STON2: variants seen among roughly 807,000 people sequenced by gnomAD.
STON2 encodes the protein stonin-2.
STON2 carries 29 observed loss-of-function variants against 65.7 expected under a neutral mutation model. That is an observed-to-expected ratio of 0.44 (90% CI 0.33 to 0.60). The LOEUF (loss-of-function observed/expected upper bound fraction) is 0.60. Ranked by LOEUF, STON2 falls within the 20% of genes least tolerant of loss-of-function variation. STON2 has a pLI of 0.03. For missense variants in STON2, 1,054 were observed against 1,118.1 expected (o/e 0.94, Z 0.82); for synonymous variants, 404 against 414.2 (o/e 0.98, Z 0.30).
rs193264881 is a variant in STON2, at chr14:81,363,269, T to C, written c.571+7719A>G. 5.1e-4 allele frequency among the ~76,000 whole-genome samples: 78 copies of C among 152,340 alleles called. 1 individual carries two copies. The highest frequency in any genetic ancestry group is 3.4e-3 in the Middle Eastern group (1 of 294). ...ATATATGTATAAAGTATATAGGACA[T>C]TCCTGGCACACAGTAGAAACAATTA... On this transcript the variant is annotated intron_variant, in intron 4 of 7. Transcript: ENST00000614646.
intron 3 of STON2, among the ~76,000 whole-genome samples, chr14:81,390,732 G>A (rs185804016): frequency 6.6e-6 from 1 of 152,322 alleles, no homozygotes; most frequent in East Asian, 1.9e-4. Context: ...TATGGCTGCT[G>A]TAACAAATTA....
In STON2 at chr14:81,371,141, A is replaced by C. The variant is rs1400129882; in HGVS notation, c.418T>G (p.Ser140Ala). ...MPCWTCPSFD[S>A]LGRCPLTSES... ...GAAGTCAGAGGGCATCTCCCCAGGG[A>C]GTCAAAGGAAGGGCATGTCCAGCAG... Residue 140 changes from serine to alanine, a missense_variant, in exon 4 of 8, where the codon TCC becomes GCC. Physicochemically the swap from Ser to Ala is moderately conservative, Grantham distance 99 (BLOSUM62 1). Coordinates refer to ENST00000614646, the MANE Select transcript of STON2 (RefSeq NM_001394390.1). 1 of 1,614,026 alleles carries C rather than the reference A, an allele frequency of 6.2e-7. No homozygotes were observed. The highest frequency in any genetic ancestry group is 1.7e-5 in the Admixed American group (1 of 60,002).
Position 81,262,170 on chromosome 14 carries a change from G to C in STON2, c.*6244C>G. ...CACTTTTTTGTCTCAGGAAACTGAAGCCCAATTGGGAAAACAGCAACTTAC... is the reference window on the plus strand; with the variant it reads ...CACTTTTTTGTCTCAGGAAACTGAACCCCAATTGGGAAAACAGCAACTTAC... On this transcript the variant is annotated 3_prime_UTR_variant, in exon 8 of 8. Coordinates refer to ENST00000614646, the MANE Select transcript of STON2 (RefSeq NM_001394390.1). The C allele has an allele frequency of 3.0e-6, 3 of 985,202 alleles. No individual in the cohort carries two copies. The highest frequency in any genetic ancestry group is 3.6e-6 in the Non-Finnish European group (3 of 829,738). 61.0% of individuals were successfully genotyped at this position (985,202 alleles called of 1,614,324 possible). A position where few individuals can be genotyped will look rare whatever the true frequency, so the allele number is the denominator to read the frequency against.
rs765363318 is a variant in STON2, at chr14:81,316,848, G to A, written c.742+7169C>T. 1.4e-4 allele frequency among the ~76,000 whole-genome samples: 22 copies of A among 152,162 alleles called. No homozygotes were observed. In the East Asian group the frequency reaches 1.7e-3, roughly 12 times the overall value. ...ATCCTGGCTAACATGGTGAAACCCC[G>A]TCTCTACCAAAAATACAAAAAATTA... is the stretch of plus-strand genomic sequence containing the variant. On this transcript the variant is annotated intron_variant, in intron 5 of 7. Transcript: ENST00000614646.
chr14:81,416,492 C>T (rs996219499), intron 2 of STON2, among the ~76,000 whole-genome samples: 4 of 152,154 alleles, frequency 2.6e-5, no homozygotes, highest in Admixed American at 6.5e-5. Context: ...GAGAAGGTAC[C>T]GGAGGCAGGG....
chr14:81,426,109 G>T (rs1901961691), intron 2 of STON2, among the ~76,000 whole-genome samples: 1 of 152,126 alleles, frequency 6.6e-6, no homozygotes, highest in Non-Finnish European at 1.5e-5. Flanking sequence ...CTATGAGATG[G>T]GCATTTTTAA....
chr14:81,379,851 G>T (rs1899429311), intron 3 of STON2, among the ~76,000 whole-genome samples: 1 of 152,016 alleles, frequency 6.6e-6, no homozygotes, highest in Non-Finnish European at 1.5e-5. Flanking sequence ...AACTCAAGAT[G>T]GATTAAAGGC....
At chr14:81,272,049 C>T (rs1428071617) in intron 6 of STON2, among the ~76,000 whole-genome samples, 3 of 152,074 alleles carry the variant, frequency 2.0e-5, no homozygotes, top group Admixed American at 6.6e-5. Context: ...GGTGAAACCC[C>T]GTCTCTACTA....
intron 5 of STON2, 112 bp from the exon 6 acceptor site, chr14:81,278,851 C>G: frequency 1.2e-6 from 1 of 812,876 alleles, no homozygotes; most frequent in East Asian, 2.6e-5. Context: ...CCAGTACATT[C>G]CAAAGCAGCT....
upstream of STON2, among the ~76,000 whole-genome samples, chr14:81,404,311 T>A (rs1037097052): frequency 6.6e-6 from 1 of 152,206 alleles, no homozygotes; most frequent in African/African-American, 2.4e-5. Context: ...GTGTAAAATA[T>A]ACACCAGACT....
intron 2 of STON2, among the ~76,000 whole-genome samples, chr14:81,413,617 A>C (rs1164269741): frequency 2.9e-5 from 4 of 138,338 alleles, no homozygotes; most frequent in Non-Finnish European, 4.5e-5. Context: ...AACATGGTGA[A>C]ACCCCGTCTC....
rs1388423682 is a variant in STON2, at chr14:81,278,322, G to A, written c.1160C>T (p.Pro387Leu). 2 of 1,614,092 alleles carry A rather than the reference G, an allele frequency of 1.2e-6. No homozygotes were observed. Among genetic ancestry groups the A allele is most frequent in the African/African-American group, 2.7e-5 (2 of 74,938 alleles). The change falls in exon 6 of 8, where the codon CCT (proline) becomes CTT (leucine). Residue 387 changes from proline (P) to leucine (L), a missense_variant. Transcript: ENST00000614646. ...LQDVQPSPIN[P>L]FSAFFEEQER... Reference sequence around the variant, plus strand: ...CTGCTCCTCAAAGAAAGCACTGAAAGGGTTGATAGGGGAGGGCTGTACATC... The same window carrying A: ...CTGCTCCTCAAAGAAAGCACTGAAAAGGTTGATAGGGGAGGGCTGTACATC...
intron 3 of STON2, among the ~76,000 whole-genome samples, chr14:81,394,634 T>G (rs1188837069): frequency 6.6e-6 from 1 of 152,144 alleles, no homozygotes; most frequent in Non-Finnish European, 1.5e-5. Flanking sequence ...CAGAGGTCCT[T>G]AATGGAAGAC....
rs1595278750 is a variant in STON2 at position 81,277,337 on chromosome 14, G to A, written c.2145C>T (p.Asn715=). Residue 715 remains asparagine (N), a synonymous_variant, in exon 6 of 8, where the codon AAC becomes AAT. Transcript: ENST00000614646. ...HGCVDEDVFH[N]SRVILFNPLD... The stretch of plus-strand genomic sequence containing the variant: ...AAGGGTTGAACAGAATGACCCGTGA[G>A]TTGTGGAAAACATCCTCATCCACAC... 1 of 1,614,216 alleles carries A rather than the reference G, an allele frequency of 6.2e-7. No individual in the cohort carries two copies.
intron 5 of STON2, among the ~76,000 whole-genome samples, chr14:81,286,490 A>G (rs962817067): frequency 3.3e-5 from 5 of 152,250 alleles, no homozygotes; most frequent in Non-Finnish European, 4.4e-5. Flanking sequence ...TTTTAGTAAT[A>G]AAGTGGTTTT....
At chr14:81,323,875 T>C (rs1463072706) in intron 5 of STON2, among the ~76,000 whole-genome samples, 142 bp downstream of exon 5, 1 of 102,014 alleles carries the variant, frequency 9.8e-6, no homozygotes, top group South Asian at 3.1e-4. Context: ...GACATTTCTT[T>C]GTCTGGGGAC....
At chr14:81,434,173 T>A (rs1902321199) in intron 1 of STON2, among the ~76,000 whole-genome samples, 1 of 152,086 alleles carries the variant, frequency 6.6e-6, no homozygotes, top group African/African-American at 2.4e-5. Flanking sequence ...TAAGAAAAAA[T>A]AATAATAAAA....
Position 81,371,198 on chromosome 14 carries a change from C to G in STON2, c.374-13G>C. The G allele has an allele frequency of 6.2e-7, 1 of 1,610,530 alleles. No individual in the cohort carries two copies. Among genetic ancestry groups the G allele is most frequent in the Non-Finnish European group, 8.5e-7 (1 of 1,177,992 alleles). ...GTCAATGGTAGGGCTGGGGAGAGAC[C>G]AAAAACCAAAAGCATACAATATAAA... is the stretch of plus-strand genomic sequence containing the variant. On this transcript the variant is annotated splice_polypyrimidine_tract_variant and intron_variant, in intron 3 of 7. Coordinates refer to ENST00000614646, the MANE Select transcript of STON2 (RefSeq NM_001394390.1).
At chr14:81,283,501 C>T (rs1178267422) in intron 5 of STON2, among the ~76,000 whole-genome samples, 1 of 147,814 alleles carries the variant, frequency 6.8e-6, no homozygotes, top group Non-Finnish European at 1.5e-5. Context: ...CATACCTCGT[C>T]TTTTTGTACT....
Sources: gnomAD v4.1 joint callset for allele counts (sites outside exome capture counted in the v4.1 genomes callset) on GRCh38, gnomAD v4.1.1 for gene constraint, MANE v1.5 for transcripts, NCBI Gene and HGNC (gene_info 2026-07-23, HGNC 2026-07-21) for gene names.